CNTN4: variants seen among roughly 807,000 people sequenced by gnomAD.
The protein encoded by CNTN4 is contactin 4, also known as contactin-4.
A neutral mutation model predicts 122.5 loss-of-function variants in CNTN4; 77 were observed. The ratio of observed to expected loss-of-function variants is 0.63; its 90% CI spans 0.52 to 0.76. The LOEUF is 0.76. Ranked by LOEUF, CNTN4 falls within the 30% of genes least tolerant of loss-of-function variation. The pLI, the probability that CNTN4 is intolerant of heterozygous loss-of-function variation, is 0.00. For missense variants in CNTN4, 1,256 were observed against 1,259.1 expected, an observed-to-expected ratio of 1.00 and a Z score of 0.04; for synonymous variants, 512 against 447.0, an observed-to-expected ratio of 1.15 and a Z score of -1.83.
At chr3:2,678,140 A>G (rs2084972443) in intron 4 of CNTN4, among the ~76,000 whole-genome samples, 1 of 152,196 alleles carries the variant, frequency 6.6e-6, no homozygotes, top group South Asian at 2.1e-4. Context: ...TGATGATCTT[A>G]CTATACTTAA....
At chr3:2,519,111 C>A (rs1294676043) in intron 3 of CNTN4, among the ~76,000 whole-genome samples, 1 of 152,156 alleles carries the variant, frequency 6.6e-6, no homozygotes, top group African/African-American at 2.4e-5. Context: ...GGGAAGACAT[C>A]TTTCACATAG....
chr3:2,304,027 C>G (rs544932208), intron 2 of CNTN4, among the ~76,000 whole-genome samples: 1 of 152,030 alleles, frequency 6.6e-6, no homozygotes, highest in Non-Finnish European at 1.5e-5. Context: ...TCCTGTAAAT[C>G]TAGGTTACAT....
chr3:2,479,740 C>T (rs1168834393), intron 3 of CNTN4, among the ~76,000 whole-genome samples: 1 of 152,182 alleles, frequency 6.6e-6, no homozygotes, highest in Non-Finnish European at 1.5e-5. Flanking sequence ...TTCTTCATGG[C>T]TCTGAGTCCA....
intron 4 of CNTN4, among the ~76,000 whole-genome samples, chr3:2,704,233 G>A (rs544141503): frequency 1.4e-5 from 2 of 146,934 alleles, no homozygotes; most frequent in Non-Finnish European, 3.0e-5. Flanking sequence ...GGAGGCGGAG[G>A]TTGCAGGGAG....
intron 17 of CNTN4, 54 bp from the exon 18 acceptor site, chr3:3,037,125 G>A: frequency 6.3e-7 from 1 of 1,588,266 alleles, no homozygotes; most frequent in Non-Finnish European, 8.6e-7. Context: ...CGTAATCTCT[G>A]CATTTGTTTT....
At chr3:2,805,894 T>C (rs2092455444) in intron 6 of CNTN4, among the ~76,000 whole-genome samples, 1 of 152,070 alleles carries the variant, frequency 6.6e-6, no homozygotes, top group East Asian at 1.9e-4. Context: ...CTTTTTGTTT[T>C]GTTTTGTTTT....
At chr3:2,492,498 C>G (rs536046221) in intron 3 of CNTN4, among the ~76,000 whole-genome samples, 8 of 152,230 alleles carry the variant, frequency 5.3e-5, no homozygotes, top group Admixed American at 2.0e-4. Flanking sequence ...GCAGATTCTA[C>G]TTTTAGGTAT....
intron 4 of CNTN4, among the ~76,000 whole-genome samples, chr3:2,686,211 T>C (rs1489815181): frequency 6.6e-6 from 1 of 152,174 alleles, no homozygotes; most frequent in Non-Finnish European, 1.5e-5. Flanking sequence ...GCTAGCAACA[T>C]GCATGATGCA....
chr3:2,678,663 C>A (rs1240553885), intron 4 of CNTN4, among the ~76,000 whole-genome samples: 1 of 152,160 alleles, frequency 6.6e-6, no homozygotes, highest in Non-Finnish European at 1.5e-5. Context: ...ATTCCTCAGG[C>A]CATCTTTGCA....
At position 2,949,303 on chromosome 3, in the gene CNTN4, TG is replaced by T. The variant is rs368576940; in HGVS notation, c.1358+23526del. On this transcript the variant is annotated intron_variant, in intron 13 of 24. Coordinates refer to ENST00000418658, the MANE Select transcript of CNTN4 (RefSeq NM_175607.3). ...GTCATGCCAACCAAAACGAGTGTGA[TG>T]GAAAGTTAGCTGAATTCCTACTGGA... Among the ~76,000 whole-genome samples, 627 of 152,256 alleles carry T rather than the reference TG, an allele frequency of 4.1e-3. 8 individuals carry two copies. Among genetic ancestry groups the T allele is most frequent in the African/African-American group, 0.014 (579 of 41,548 alleles).
intron 14 of CNTN4, among the ~76,000 whole-genome samples, chr3:3,013,934 C>T (rs1050660522): frequency 6.6e-6 from 1 of 151,962 alleles, no homozygotes; most frequent in African/African-American, 2.4e-5. Context: ...TTGGGTCTTG[C>T]CTCACTATCT....
chr3:2,202,825 AT>A (rs967022239), intron 2 of CNTN4, among the ~76,000 whole-genome samples: 99 of 148,040 alleles, frequency 6.7e-4, no homozygotes, highest in African/African-American at 2.1e-3. Flanking sequence ...TAACAATTAC[AT>A]TTTTTTTTTC....
At chr3:2,167,597 A>G (rs1378991247) in intron 2 of CNTN4, among the ~76,000 whole-genome samples, 7 of 152,318 alleles carry the variant, frequency 4.6e-5, no homozygotes, top group East Asian at 1.9e-4. Flanking sequence ...AAAAAAATCC[A>G]AGACAAATGA....
intron 3 of CNTN4, among the ~76,000 whole-genome samples, chr3:2,392,073 G>A (rs780648583): frequency 3.3e-5 from 5 of 152,096 alleles, no homozygotes; most frequent in African/African-American, 9.7e-5. Flanking sequence ...GCTAAGCAGC[G>A]CCGAGCCAAG....
chr3:2,991,753 T>C (rs1303097001), intron 14 of CNTN4, among the ~76,000 whole-genome samples: 7 of 152,120 alleles, frequency 4.6e-5, no homozygotes, highest in Non-Finnish European at 7.3e-5. Context: ...AAGTCCTGAA[T>C]CCCACATCAA....
At chr3:2,529,327 A>G (rs2077512758) in intron 3 of CNTN4, among the ~76,000 whole-genome samples, 1 of 152,124 alleles carries the variant, frequency 6.6e-6, no homozygotes, top group Non-Finnish European at 1.5e-5. Flanking sequence ...ATGTATATAT[A>G]CGTATTTTCT....
At chr3:3,038,656 G>A (rs1160861282) in intron 18 of CNTN4, among the ~76,000 whole-genome samples, 2 of 152,186 alleles carry the variant, frequency 1.3e-5, no homozygotes, top group African/African-American at 4.8e-5. Flanking sequence ...GAACCCCTCG[G>A]CCTCTAGGGA....
At chr3:2,446,226 C>A (rs1403564120) in intron 3 of CNTN4, among the ~76,000 whole-genome samples, 4 of 152,040 alleles carry the variant, frequency 2.6e-5, no homozygotes, top group African/African-American at 9.7e-5. Context: ...AGTGTAGGAT[C>A]TTTTTTCCTG....
At chr3:2,570,279 T>C (rs969878803) in intron 3 of CNTN4, among the ~76,000 whole-genome samples, 11 of 151,770 alleles carry the variant, frequency 7.2e-5, no homozygotes, top group Non-Finnish European at 1.5e-5. Flanking sequence ...GTTGAAGCAA[T>C]CCTCCTGTCT....
Sources: allele counts gnomAD v4.1 joint callset (sites outside exome capture counted in the v4.1 genomes callset), GRCh38; gene constraint gnomAD v4.1.1; transcripts MANE v1.5; gene names NCBI Gene and HGNC (gene_info 2026-07-23, HGNC 2026-07-21).